Variants in GAS2 observed in about 807,000 individuals in gnomAD.
The protein encoded by GAS2 is growth arrest specific 2.
A neutral mutation model predicts 37.5 loss-of-function variants in GAS2; 20 were observed. The ratio of observed to expected loss-of-function variants is 0.53; its 90% CI spans 0.37 to 0.77. The LOEUF is 0.77. GAS2 is among the 30% of genes least tolerant of loss of function. The probability of loss-of-function intolerance (pLI) is 0.00; values close to 1 mark genes in which losing one functional copy is unlikely to be tolerated. For missense variants in GAS2, 336 were observed against 373.4 expected, an observed-to-expected ratio of 0.90 and a Z score of 0.82; for synonymous variants, 144 against 132.2, an observed-to-expected ratio of 1.09 and a Z score of -0.61.
chr11:22,686,198 A>C (rs1849937952), intron 3 of GAS2, among the ~76,000 whole-genome samples: 1 of 152,182 alleles, frequency 6.6e-6, no homozygotes, highest in Non-Finnish European at 1.5e-5. Context: ...TCTGGACTGT[A>C]ATTTTTGGTT....
chr11:22,718,744 A>T (rs890208879), intron 3 of GAS2, among the ~76,000 whole-genome samples: 1 of 152,050 alleles, frequency 6.6e-6, no homozygotes, highest in Non-Finnish European at 1.5e-5. Context: ...AATTTTTTAG[A>T]TAGGCTCACC....
intron 4 of GAS2, among the ~76,000 whole-genome samples, chr11:22,727,016 T>A (rs2134169520): frequency 6.6e-6 from 1 of 152,246 alleles, no homozygotes; most frequent in South Asian, 2.1e-4. Flanking sequence ...CTGAGATAAC[T>A]GCGTAGATTT....
At chr11:22,690,779 A>G (rs756891002) in intron 3 of GAS2, among the ~76,000 whole-genome samples, 5 of 152,136 alleles carry the variant, frequency 3.3e-5, no homozygotes, top group Non-Finnish European at 5.9e-5. Context: ...TAATCAAGAC[A>G]GGGGAATTGT....
intron 1 of GAS2, among the ~76,000 whole-genome samples, chr11:22,668,511 T>C (rs1395246106): frequency 2.0e-5 from 3 of 151,438 alleles, no homozygotes; most frequent in African/African-American, 7.3e-5. Flanking sequence ...TATGCTGTGG[T>C]GTTATGGACT....
intron 7 of GAS2, among the ~76,000 whole-genome samples, chr11:22,774,050 A>G (rs1855125888): frequency 6.6e-6 from 1 of 151,896 alleles, no homozygotes; most frequent in Non-Finnish European, 1.5e-5. Context: ...CTGGAGTACA[A>G]TGGCACAATC....
rs573972991 is a variant in GAS2, at chr11:22,769,477, C to A, written c.723+13524C>A. ...CATGAACAGGCTTTTCCCTCATGTA[C>A]AGCACTCATAGATCTGATAGATAAC... On this transcript the variant is annotated intron_variant, in intron 7 of 7. Coordinates refer to ENST00000454584, the MANE Select transcript of GAS2 (RefSeq NM_001143830.3). Among the ~76,000 whole-genome samples the A allele has an allele frequency of 6.6e-5, 10 of 152,256 alleles. 1 individual carries two copies. In the South Asian group the frequency reaches 1.0e-3, roughly 16 times the overall value.
chr11:22,785,767 C>T (rs181823626), intron 7 of GAS2, among the ~76,000 whole-genome samples: 19 of 152,144 alleles, frequency 1.2e-4, no homozygotes, highest in Admixed American at 1.2e-3. Flanking sequence ...TCTTCCTTGT[C>T]GCTCTCTTCA....
chr11:22,653,608 C>T (rs548823767), intron 1 of GAS2, among the ~76,000 whole-genome samples: 15 of 152,254 alleles, frequency 9.9e-5, no homozygotes, highest in African/African-American at 3.6e-4. Context: ...TAAACCTGTA[C>T]TATAGGCTAT....
At chr11:22,687,643 T>C (rs1850029856) in intron 3 of GAS2, among the ~76,000 whole-genome samples, 1 of 152,210 alleles carries the variant, frequency 6.6e-6, no homozygotes, top group Admixed American at 6.5e-5. Context: ...GTGAGGAGAC[T>C]GTTTATGAAA....
intron 3 of GAS2, among the ~76,000 whole-genome samples, chr11:22,716,828 C>T (rs1565106103): frequency 6.6e-6 from 1 of 152,060 alleles, no homozygotes; most frequent in East Asian, 1.9e-4. Context: ...GTACACAAAT[C>T]AGTAGCACTG....
chr11:22,637,631 A>C (rs1443888090), intron 1 of GAS2, among the ~76,000 whole-genome samples: 1 of 133,482 alleles, frequency 7.5e-6, no homozygotes, highest in Admixed American at 8.0e-5. Context: ...TTAATATTTA[A>C]TATAAATATT....
intron 7 of GAS2, among the ~76,000 whole-genome samples, chr11:22,806,769 G>A (rs1310021792): frequency 6.6e-6 from 1 of 152,164 alleles, no homozygotes; most frequent in Admixed American, 6.5e-5. Flanking sequence ...GTTTACTAGA[G>A]TATATCCCCA....
intron 7 of GAS2, among the ~76,000 whole-genome samples, chr11:22,809,680 G>T (rs1321422126): frequency 6.8e-6 from 1 of 147,274 alleles, no homozygotes; most frequent in Non-Finnish European, 1.5e-5. Context: ...TTTCAGTAGA[G>T]ATGGGGTTTC....
At chr11:22,771,963 G>T (rs1012193300) in intron 7 of GAS2, among the ~76,000 whole-genome samples, 1 of 152,086 alleles carries the variant, frequency 6.6e-6, no homozygotes, top group Non-Finnish European at 1.5e-5. Flanking sequence ...TATTCTGACA[G>T]TTCAATATAA....
chr11:22,681,110 T>G (rs1849661891), intron 2 of GAS2, among the ~76,000 whole-genome samples: 1 of 152,214 alleles, frequency 6.6e-6, no homozygotes, highest in Non-Finnish European at 1.5e-5. Context: ...GCTAATTTAT[T>G]GGGAAGAAAA....
rs529732885 is a variant in GAS2, at chr11:22,684,744, T to C, written c.146-924T>C. 2.6e-5 allele frequency among the ~76,000 whole-genome samples: 4 copies of C among 152,224 alleles called. No individual in the cohort carries two copies. In the South Asian group the frequency reaches 8.3e-4, roughly 32 times the overall value. On this transcript the variant is annotated intron_variant, in intron 2 of 7. Coordinates refer to ENST00000454584, the MANE Select transcript of GAS2 (RefSeq NM_001143830.3). ...CCACCATGCCTGGCTAATTTTTGTG[T>C]TTTTGTAGAAATGGGGTTTCACCAT...
rs1186945685 is a variant in GAS2, at chr11:22,632,739, A to G, written c.-21+6926A>G. Reference sequence around the variant, plus strand: ...TAATCCCATGTTTCTTAGAGATTTTATTCGTTTCTTTTCATTCTTTTTTTT... The same window carrying G: ...TAATCCCATGTTTCTTAGAGATTTTGTTCGTTTCTTTTCATTCTTTTTTTT... On this transcript the variant is annotated intron_variant, in intron 1 of 5. Transcript: ENST00000528582. Among the ~76,000 whole-genome samples, 4 of 151,310 alleles carry G rather than the reference A, an allele frequency of 2.6e-5. No individual in the cohort carries two copies. In the East Asian group the frequency reaches 7.8e-4, roughly 29 times the overall value.
At chr11:22,727,887 G>A (rs1471626316) in intron 4 of GAS2, among the ~76,000 whole-genome samples, 13 of 151,904 alleles carry the variant, frequency 8.6e-5, no homozygotes, top group African/African-American at 3.1e-4. Context: ...AGAATTATTT[G>A]CACAAACAAT....
intron 1 of GAS2, among the ~76,000 whole-genome samples, chr11:22,657,056 T>C (rs1212420891): frequency 6.6e-6 from 1 of 152,192 alleles, no homozygotes; most frequent in Non-Finnish European, 1.5e-5. Flanking sequence ...GAATCTAGTA[T>C]TCAAATAAGA....
Sources: allele counts gnomAD v4.1 joint callset (sites outside exome capture counted in the v4.1 genomes callset), GRCh38; gene constraint gnomAD v4.1.1; transcripts MANE v1.5; gene names NCBI Gene and HGNC (gene_info 2026-07-23, HGNC 2026-07-21).